NLRC5: variants seen among roughly 807,000 people sequenced by gnomAD.
NLRC5 encodes NLR family CARD domain containing 5.
NLRC5 carries 114 observed loss-of-function variants against 206.9 expected under a neutral mutation model. The observed-to-expected ratio is 0.55, with a 90% CI of 0.47 to 0.64. NLRC5 has a LOEUF of 0.64. Ranked by LOEUF, NLRC5 falls within the 30% of genes least tolerant of loss-of-function variation. The probability of loss-of-function intolerance (pLI) is 0.00; values close to 1 mark genes in which losing one functional copy is unlikely to be tolerated. For missense variants in NLRC5, 2,008 were observed against 2,305.5 expected (o/e 0.87, Z 2.64); for synonymous variants, 952 against 962.8 (o/e 0.99, Z 0.21).
In NLRC5 at chr16:57,083,065, T is replaced by C. The variant is rs1358578578; in HGVS notation, c.*537T>C. The C allele has an allele frequency of 6.6e-6, 1 of 152,360 alleles. No homozygotes were observed. Among genetic ancestry groups the C allele is most frequent in the African/African-American group, 2.4e-5 (1 of 41,452 alleles). 9.4% of individuals were successfully genotyped at this position (152,360 alleles called of 1,614,324 possible). ...AGATTGTGTGTATGGAGCAGCTAAG[T>C]CAGGAAAAGTCTTCCGCCCGAGCTG... On this transcript the variant is annotated 3_prime_UTR_variant, in exon 49 of 49. Transcript: ENST00000688547.
chr16:57,019,842 T>C (rs2060466562), intron 2 of NLRC5, among the ~76,000 whole-genome samples: 1 of 152,132 alleles, frequency 6.6e-6, no homozygotes, highest in South Asian at 2.1e-4. Context: ...GAAGAACAGA[T>C]TTTGGGAGAC....
At chr16:57,078,488 T>TTTTTTTTTTTTTTTTTTTTTTTTTTG (rs2068720123) in intron 43 of NLRC5, among the ~76,000 whole-genome samples, 1 of 145,050 alleles carries the variant, frequency 6.9e-6, no homozygotes, top group African/African-American at 2.6e-5. Context: ...TTTTTTTTTT[T>TTTTTTTTTTTTTTTTTTTTTTTTTTG]TTAGATGGAG....
chr16:57,074,450 A>G (rs2068114232), intron 38 of NLRC5, 150 bp from the exon 39 acceptor site: 3 of 700,096 alleles, frequency 4.3e-6, no homozygotes, highest in South Asian at 3.1e-5. Context: ...ACCTCCCAGT[A>G]CAGTTCATTT....
intron 41 of NLRC5, 103 bp downstream of exon 41, chr16:57,077,482 C>A: frequency 8.6e-7 from 1 of 1,162,642 alleles, no homozygotes; most frequent in Non-Finnish European, 1.2e-6. Flanking sequence ...TCCCCTGCGC[C>A]AACCTCAGTG....
At chr16:57,059,171 G>A (rs1480556234) in intron 29 of NLRC5, 110 bp downstream of exon 29, 2 of 1,594,238 alleles carry the variant, frequency 1.3e-6, no homozygotes, top group African/African-American at 2.7e-5. Context: ...CATCTGGGTG[G>A]CTTGGAGCAA....
At chr16:57,074,778 G>T in intron 39 of NLRC5, 95 bp downstream of exon 39, 2 of 1,223,766 alleles carry the variant, frequency 1.6e-6, no homozygotes, top group Non-Finnish European at 1.2e-6. Flanking sequence ...CCACCTCCCA[G>T]GGGATCCTTT....
chr16:57,049,124 A>T (rs2064449818), intron 23 of NLRC5, among the ~76,000 whole-genome samples: 1 of 152,020 alleles, frequency 6.6e-6, no homozygotes, highest in South Asian at 2.1e-4. Flanking sequence ...AAAAAACAAA[A>T]CTCCAAAGAA....
At chr16:56,997,020 C>T (rs1452073030) in intron 1 of NLRC5, among the ~76,000 whole-genome samples, 3 of 152,090 alleles carry the variant, frequency 2.0e-5, no homozygotes, top group Non-Finnish European at 1.5e-5. Context: ...TAGGTGCACA[C>T]CACTATGCCA....
Position 57,030,008 on chromosome 16 carries a change from A to C in NLRC5, c.2341A>C (p.Ser781Arg). The stretch of plus-strand genomic sequence containing the variant: ...ACAATCTTGCAGCCTGAGCAGCAAC[A>C]GCATCTGCGTGTCAACCCTACTCTG... ...RLRKLDLSSN[S>R]ICVSTLLCLA... is the part of the protein sequence containing the mutation. The change falls in exon 10 of 49, where the codon AGC becomes CGC. Residue 781 changes from serine (S) to arginine (R), a missense_variant. Physicochemically the swap from Ser to Arg is moderately radical, Grantham distance 110. Coordinates refer to ENST00000688547, the MANE Select transcript of NLRC5 (RefSeq NM_001384950.1). 2 of 1,614,158 alleles carry C rather than the reference A, an allele frequency of 1.2e-6. No individual in the cohort carries two copies. The highest frequency in any genetic ancestry group is 8.5e-7 in the Non-Finnish European group (1 of 1,180,008).
rs575126517 is a variant in NLRC5 at position 57,008,964 on chromosome 16, T to G, written c.-127-8110T>G. Among the ~76,000 whole-genome samples, 101 of 152,226 alleles carry G rather than the reference T, an allele frequency of 6.6e-4. 5 individuals are homozygous for G. The South Asian group carries it at 0.02, about 30-fold the overall frequency. ...AAAAAGAAGAAAAAACAAAGTAAAC[T>G]AAATTAAATGTGAAGCCATGAAGAG... is the stretch of plus-strand genomic sequence containing the variant. On this transcript the variant is annotated intron_variant, in intron 1 of 48. Transcript: ENST00000688547.
intron 12 of NLRC5, 29 bp downstream of exon 12, chr16:57,033,698 A>G: frequency 6.2e-7 from 1 of 1,603,678 alleles, no homozygotes; most frequent in Non-Finnish European, 8.5e-7. Flanking sequence ...TTGCCTTAGG[A>G]GAGGGATATG....
chr16:57,044,701 C>A (rs940182281), intron 20 of NLRC5, among the ~76,000 whole-genome samples: 2 of 152,044 alleles, frequency 1.3e-5, no homozygotes, highest in Non-Finnish European at 2.9e-5. Context: ...GGAGGATCAC[C>A]TGAGCCTAGG....
Position 57,020,832 on chromosome 16 carries a change from C to T in NLRC5, c.120C>T (p.Asp40=), listed in dbSNP as rs142915164. The T allele has an allele frequency of 1.4e-4, 227 of 1,613,480 alleles. No individual in the cohort carries two copies. Among genetic ancestry groups the T allele is most frequent in the Non-Finnish European group, 1.9e-4 (225 of 1,179,934 alleles). Residue 40 remains aspartate, a synonymous_variant, in exon 3 of 49, where the codon GAC becomes GAT. Transcript: ENST00000688547. ...AKMKFFLPNT[D]LDSRNETLDP... ...TGAAGTTCTTCCTCCCCAACACGGA[C>T]CTGGATTCCAGGAACGAGACCTTGG...
chr16:57,012,921 C>T (rs1204640286), intron 1 of NLRC5: 1 of 155,974 alleles, frequency 6.4e-6, no homozygotes, highest in Non-Finnish European at 1.4e-5. Context: ...TGCTATGTGG[C>T]TGTGTTTTTC....
intron 38 of NLRC5, 147 bp from the exon 39 acceptor site, chr16:57,074,453 G>C: frequency 1.4e-6 from 1 of 709,502 alleles, no homozygotes. Flanking sequence ...TCCCAGTACA[G>C]TTCATTTTGT....
At chr16:56,995,441 C>T (rs1470503804) in intron 1 of NLRC5, among the ~76,000 whole-genome samples, 7 of 152,222 alleles carry the variant, frequency 4.6e-5, no homozygotes, top group African/African-American at 1.7e-4. Flanking sequence ...TCCTTAGGCT[C>T]AATCCTCAAA....
Position 57,055,426 on chromosome 16 carries a change from C to G in NLRC5, c.3660-7C>G. 6.2e-7 allele frequency: 1 copy of G among 1,613,480 alleles called. No homozygotes were observed. Among genetic ancestry groups the G allele is most frequent in the Non-Finnish European group, 8.5e-7 (1 of 1,179,602 alleles). ...ATCCCCTGCTTGTCCCCTTTACCTC[C>G]GTCCAGCAGGTTCACAGGCTGCAGC... On this transcript the variant is annotated splice_region_variant and splice_polypyrimidine_tract_variant and intron_variant, in intron 26 of 48. Coordinates refer to ENST00000688547, the MANE Select transcript of NLRC5 (RefSeq NM_001384950.1).
intron 38 of NLRC5, among the ~76,000 whole-genome samples, chr16:57,072,186 A>G (rs1484333875): frequency 2.0e-5 from 3 of 151,936 alleles, no homozygotes; most frequent in African/African-American, 7.3e-5. Context: ...TTCTCTGTCC[A>G]CCTTGGCTTC....
At position 57,081,569 on chromosome 16, in the gene NLRC5, G is replaced by A. The variant is rs748782310; in HGVS notation, c.5448G>A (p.Leu1816=). The change falls in exon 48 of 49, where the codon CTG becomes CTA. Residue 1816 remains leucine (L), a synonymous_variant. Coordinates refer to ENST00000688547, the MANE Select transcript of NLRC5 (RefSeq NM_001384950.1). ...TCACAGCTTTGGGGGCCTGGCTCCT[G>A]GCTGAAGGACTGGCCCAGGGGTCTA... The part of the protein sequence containing the change: ...NQITALGAWL[L]AEGLAQGSSI... 11 of 1,614,082 alleles carry A rather than the reference G, an allele frequency of 6.8e-6. No homozygotes were observed. Among genetic ancestry groups the A allele is most frequent in the Admixed American group, 6.7e-5 (4 of 60,012 alleles).
Sources: gnomAD v4.1 joint callset for allele counts (sites outside exome capture counted in the v4.1 genomes callset) on GRCh38, gnomAD v4.1.1 for gene constraint, MANE v1.5 for transcripts, NCBI Gene and HGNC (gene_info 2026-07-23, HGNC 2026-07-21) for gene names.